The following SLC1A6 variants were observed in gnomAD, a reference collection of about 807,000 sequenced individuals.
The protein encoded by SLC1A6 is solute carrier family 1 member 6, also known as excitatory amino acid transporter 4.
A neutral mutation model predicts 42.1 loss-of-function variants in SLC1A6; 15 were observed. That is an observed-to-expected ratio of 0.36 (90% CI 0.24 to 0.55). The LOEUF is 0.55. Ranked by LOEUF, SLC1A6 falls within the 20% of genes least tolerant of loss-of-function variation. SLC1A6 has a pLI of 0.88. For missense variants in SLC1A6, 542 were observed against 772.5 expected (o/e 0.70, Z 3.54); for synonymous variants, 317 against 319.7 (o/e 0.99, Z 0.09).
chr19:15,008,940 G>A lies in SLC1A6; in HGVS notation c.6+1545C>T, dbSNP rs1319814449. Among the ~76,000 whole-genome samples, 4 of 151,336 alleles carry A rather than the reference G, an allele frequency of 2.6e-5. No individual in the cohort carries two copies. The East Asian group carries it at 5.8e-4, about 22-fold the overall frequency. On this transcript the variant is annotated intron_variant, in intron 1 of 8. Transcript: ENST00000430939. ...GAGCCTGGGAGGCAGAGGTTGCAGT[G>A]AGCCGAGATCATGCCACTGCACTTC...
chr19:14,981,175 C>T (rs1337124698), upstream of SLC1A6, among the ~76,000 whole-genome samples: 1 of 151,898 alleles, frequency 6.6e-6, no homozygotes, highest in African/African-American at 2.4e-5. Context: ...CACCTGTAGT[C>T]CCAGTTACTC....
Position 14,956,355 on chromosome 19 carries a change from A to G in SLC1A6, c.1169+121T>C, listed in dbSNP as rs147319656. The G allele has an allele frequency of 1.6e-3, 984 of 619,798 alleles. 4 individuals carry two copies. The highest frequency in any genetic ancestry group is 2.2e-3 in the Non-Finnish European group (783 of 354,046). 38.4% of individuals were successfully genotyped at this position (619,798 alleles called of 1,614,324 possible). ...CAGGTGTTGACATTATGAGCCCTGG[A>G]CATTGTTGGACGACTCAGAAGAGGT... On this transcript the variant is annotated intron_variant, in intron 7 of 9. Transcript: ENST00000594383.
intron 3 of SLC1A6, among the ~76,000 whole-genome samples, chr19:14,970,211 G>T (rs1033912138): frequency 6.6e-6 from 1 of 151,988 alleles, no homozygotes; most frequent in Non-Finnish European, 1.5e-5. Flanking sequence ...CTAGGACTAT[G>T]GGCATGTATC....
intron 1 of SLC1A6, chr19:14,973,239 T>C: frequency 3.5e-6 from 1 of 289,050 alleles, no homozygotes; most frequent in Non-Finnish European, 6.4e-6. Flanking sequence ...CTGAGCAAGA[T>C]AGTGAGACCT....
intron 2 of SLC1A6, among the ~76,000 whole-genome samples, chr19:14,972,207 G>A (rs11673425): frequency 0.23 from 34,481 of 152,100 alleles, 4,044 homozygotes; most frequent in East Asian, 0.32. Flanking sequence ...ACATGAATCT[G>A]CACAGGTGTT....
chr19:14,999,159 T>C (rs2045861514), intron 1 of SLC1A6, among the ~76,000 whole-genome samples: 1 of 152,116 alleles, frequency 6.6e-6, no homozygotes, highest in African/African-American at 2.4e-5. Context: ...ATTACAGGCG[T>C]GAGCCACCAT....
At chr19:14,966,424 GC>G (rs1412487662) in intron 4 of SLC1A6, among the ~76,000 whole-genome samples, 2 of 152,142 alleles carry the variant, frequency 1.3e-5, no homozygotes, top group Non-Finnish European at 2.9e-5. Context: ...GGCGGAGGTT[GC>G]AGTGAGCCAA....
At chr19:14,956,011 A>C (rs1335788873) in intron 7 of SLC1A6, among the ~76,000 whole-genome samples, 1 of 152,142 alleles carries the variant, frequency 6.6e-6, no homozygotes, top group Non-Finnish European at 1.5e-5. Flanking sequence ...AATTGGGATG[A>C]TGCTCTTAAT....
Position 14,962,227 on chromosome 19 carries a change from A to G in SLC1A6, c.710T>C (p.Leu237Pro). 1 of 1,614,122 alleles carries G rather than the reference A, an allele frequency of 6.2e-7. No homozygotes were observed. Among genetic ancestry groups the G allele is most frequent in the Non-Finnish European group, 8.5e-7 (1 of 1,180,010 alleles). Residue 237 changes from leucine (L) to proline (P), a missense_variant, in exon 6 of 10, where the codon CTG becomes CCG. Leu to Pro is a moderately conservative substitution (Grantham distance 98). Coordinates refer to ENST00000594383, the MANE Select transcript of SLC1A6 (RefSeq NM_005071.3). Reference sequence around the variant, plus strand: ...ACCCAAGGCCCGAGTGACATTTTCCAGGAAGCTGGTTCCGTTCTCCACTGA... The same window carrying G: ...ACCCAAGGCCCGAGTGACATTTTCCGGGAAGCTGGTTCCGTTCTCCACTGA... ...PFSVENGTSF[L>P]ENVTRALGTL... is the part of the protein sequence containing the mutation.
intron 6 of SLC1A6, among the ~76,000 whole-genome samples, chr19:14,958,517 T>C (rs1430237579): frequency 1.3e-5 from 2 of 152,102 alleles, no homozygotes; most frequent in Non-Finnish European, 2.9e-5. Context: ...GAGTCAAAAA[T>C]GAGGATGCAC....
At chr19:15,006,976 A>G (rs1047428283) in intron 1 of SLC1A6, among the ~76,000 whole-genome samples, 1 of 151,996 alleles carries the variant, frequency 6.6e-6, no homozygotes, top group Non-Finnish European at 1.5e-5. Flanking sequence ...AAATAAAAAT[A>G]AAACATGTAT....
chr19:14,987,745 G>C (rs2045800002), intron 1 of SLC1A6, among the ~76,000 whole-genome samples: 1 of 152,158 alleles, frequency 6.6e-6, no homozygotes. Context: ...GTCTCCCCCA[G>C]TATGTTCCAC....
Position 14,954,216 on chromosome 19 carries a change from G to T in SLC1A6, c.1283C>A (p.Ala428Asp). The T allele has an allele frequency of 6.2e-7, 1 of 1,614,158 alleles. No individual in the cohort carries two copies. Among genetic ancestry groups the T allele is most frequent in the Non-Finnish European group, 8.5e-7 (1 of 1,180,018 alleles). ...VGATVNMDGT[A>D]LYEALAAIFI... The stretch of plus-strand genomic sequence containing the variant: ...GATGGCAGCCAGGGCCTCGTAGAGG[G>T]CAGTGCCATCCATGTTGACCGTGGC... The change falls in exon 8 of 10, where the codon GCC becomes GAC. Residue 428 changes from alanine (A) to aspartate (D), a missense_variant. By Grantham distance (126) the Ala-to-Asp change is moderately radical (BLOSUM62 -2). Around this residue, in one of 6 missense-constraint regions of SLC1A6, gnomAD observed 54 missense variants for 125.1 expected, o/e 0.43. Coordinates refer to ENST00000594383, the MANE Select transcript of SLC1A6 (RefSeq NM_005071.3).
Position 14,962,364 on chromosome 19 carries a change from G to C in SLC1A6, c.592-19C>G. On this transcript the variant is annotated intron_variant, in intron 5 of 9. Coordinates refer to ENST00000594383, the MANE Select transcript of SLC1A6 (RefSeq NM_005071.3). Reference sequence around the variant, plus strand: ...TCTTGAACTGAAATAGAGAGAGATTGCGCCCAGATTCAATTCAGCGGATGC... The same window carrying C: ...TCTTGAACTGAAATAGAGAGAGATTCCGCCCAGATTCAATTCAGCGGATGC... 6.3e-7 allele frequency: 1 copy of C among 1,587,022 alleles called. No homozygotes were observed. Among genetic ancestry groups the C allele is most frequent in the Admixed American group, 1.7e-5 (1 of 58,788 alleles).
intron 5 of SLC1A6, 79 bp downstream of exon 5, chr19:14,964,240 G>A: frequency 8.3e-7 from 1 of 1,210,446 alleles, no homozygotes; most frequent in Non-Finnish European, 1.2e-6. Flanking sequence ...CCCGCCTCTT[G>A]CCCTTGGACC....
chr19:15,003,670 A>AAAAG (rs1282544638), intron 1 of SLC1A6, among the ~76,000 whole-genome samples: 2 of 145,760 alleles, frequency 1.4e-5, no homozygotes, highest in Non-Finnish European at 3.1e-5. Context: ...CAAAAAAAAA[A>AAAAG]AAAAGAAAGA....
chr19:14,997,401 A>T (rs927827969), intron 1 of SLC1A6, among the ~76,000 whole-genome samples: 3 of 152,204 alleles, frequency 2.0e-5, no homozygotes, highest in Non-Finnish European at 2.9e-5. Flanking sequence ...CCTCCTGAGG[A>T]TGTATCACAG....
Position 14,968,454 on chromosome 19 carries a change from C to G in SLC1A6, c.397G>C (p.Val133Leu), listed in dbSNP as rs779563590. 4 of 1,613,428 alleles carry G rather than the reference C, an allele frequency of 2.5e-6. No individual in the cohort carries two copies. The highest frequency in any genetic ancestry group is 2.7e-5 in the African/African-American group (2 of 74,884). Residue 133 changes from valine to leucine, a missense_variant, in exon 4 of 10, where the codon GTG becomes CTG. By Grantham distance (32) the Val-to-Leu change is conservative. Transcript: ENST00000594383. ...ATGRMGMRAA[V>L]YYMVTTIIAV... is the part of the protein sequence containing the mutation. ...ATGATGGTGGTCACCATGTAGTACA[C>G]AGCTGCCCGCATCCCCATCCGCCCC...
At chr19:15,009,258 A>G (rs1037179299) in intron 1 of SLC1A6, among the ~76,000 whole-genome samples, 1 of 151,750 alleles carries the variant, frequency 6.6e-6, no homozygotes, top group Non-Finnish European at 1.5e-5. Context: ...TATATATCAC[A>G]TAGATATCTA....
Sources: gnomAD v4.1 joint callset for allele counts (sites outside exome capture counted in the v4.1 genomes callset) on GRCh38, gnomAD v4.1.1 for gene constraint, gnomAD v4.1.1 regional missense constraint, MANE v1.5 for transcripts, NCBI Gene and HGNC (gene_info 2026-07-23, HGNC 2026-07-21) for gene names.